Variants in PLA2G15 observed in about 807,000 individuals in gnomAD.
The protein encoded by PLA2G15 is phospholipase A2 group XV, also known as lysosomal phospholipase A and acyltransferase.
A neutral mutation model predicts 40.9 loss-of-function variants in PLA2G15; 20 were observed. The observed-to-expected ratio is 0.49, with a 90% CI of 0.34 to 0.71. The LOEUF (loss-of-function observed/expected upper bound fraction) is 0.71, where lower values mean the gene tolerates loss of function less well. Ranked by LOEUF, PLA2G15 falls within the 30% of genes least tolerant of loss-of-function variation. The probability of loss-of-function intolerance (pLI) is 0.01; values close to 1 mark genes in which losing one functional copy is unlikely to be tolerated. For missense variants in PLA2G15, 471 were observed against 541.9 expected (o/e 0.87, Z 1.30); for synonymous variants, 223 against 228.2 (o/e 0.98, Z 0.21).
At position 68,255,668 on chromosome 16, in the gene PLA2G15, C is replaced by A; in HGVS notation, c.503-98C>A. The A allele has an allele frequency of 2.0e-6, 2 of 985,916 alleles. No individual in the cohort carries two copies. The highest frequency in any genetic ancestry group is 3.2e-6 in the Non-Finnish European group (2 of 623,770). The allele number at this position is 985,916 out of a possible 1,614,324, so 61.1% of individuals were successfully genotyped here. On this transcript the variant is annotated intron_variant, in intron 4 of 5. Coordinates refer to ENST00000219345, the MANE Select transcript of PLA2G15 (RefSeq NM_012320.4). This position sits in a 1 kb window ranked among gnomAD's most constrained non-coding sequence, Gnocchi z 5.9. ...CGCTCTGTTTGAATGTGAGCACCCT[C>A]CCCTCCCCCTCTCGTCTTGTGTCTG... is the stretch of plus-strand genomic sequence containing the variant.
Position 68,259,168 on chromosome 16 carries a change from C to A in PLA2G15, c.750C>A (p.Val250=). ...LASGDNNRIP[V]IGPLKIREQQ... is the part of the protein sequence containing the mutation. ...CAGGAGACAACAACCGGATCCCAGT[C>A]ATCGGGCCCCTGAAGATCCGGGAGC... The change falls in exon 6 of 6, where the codon GTC becomes GTA. Residue 250 remains valine (V), a synonymous_variant. Coordinates refer to ENST00000219345, the MANE Select transcript of PLA2G15 (RefSeq NM_012320.4). The surrounding 1 kb of genome is among the most constrained non-coding windows in gnomAD (Gnocchi z 6.5). The A allele has an allele frequency of 5.0e-6, 8 of 1,613,300 alleles. No individual in the cohort carries two copies. Among genetic ancestry groups the A allele is most frequent in the South Asian group, 2.2e-5 (2 of 90,996 alleles).
intron 2 of PLA2G15, among the ~76,000 whole-genome samples, chr16:68,253,776 A>G (rs900067076): frequency 8.0e-5 from 12 of 150,194 alleles, no homozygotes; most frequent in Admixed American, 6.7e-4. Flanking sequence ...TGCAGCCTCA[A>G]TATCCCAGGT....
intron 5 of PLA2G15, chr16:68,256,479 A>G (rs1304771146): frequency 6.5e-6 from 1 of 152,806 alleles, no homozygotes; most frequent in African/African-American, 2.4e-5. Context: ...TTTGGTCTCC[A>G]CAATGACTAT....
rs1328390219 is a variant in PLA2G15 at position 68,255,629 on chromosome 16, G to C, written c.503-137G>C. 1.4e-6 allele frequency: 1 copy of C among 715,904 alleles called. No homozygotes were observed. The highest frequency in any genetic ancestry group is 2.4e-6 in the Non-Finnish European group (1 of 417,882). The allele number at this position is 715,904 out of a possible 1,614,324, so 44.3% of individuals were successfully genotyped here. A position where few individuals can be genotyped will look rare whatever the true frequency, so the allele number is the denominator to read the frequency against. The stretch of plus-strand genomic sequence containing the variant: ...AAGGCTTCCTCCCTTCATGGAAGGC[G>C]GGGGGACCCAGACCGCTCTGTTTGA... On this transcript the variant is annotated intron_variant, in intron 4 of 5. Transcript: ENST00000219345. The surrounding 1 kb of genome is among the most constrained non-coding windows in gnomAD (Gnocchi z 5.9).
intron 2 of PLA2G15, among the ~76,000 whole-genome samples, chr16:68,253,219 G>A (rs965018382): frequency 6.6e-6 from 1 of 152,070 alleles, no homozygotes; most frequent in Non-Finnish European, 1.5e-5. Context: ...CAGAGGAAGC[G>A]GGACCCAATT....
At chr16:68,252,158 T>G (rs2042360223) in intron 2 of PLA2G15, among the ~76,000 whole-genome samples, 1 of 152,110 alleles carries the variant, frequency 6.6e-6, no homozygotes, top group Admixed American at 6.5e-5. Flanking sequence ...TCCAGAACAG[T>G]TTTCTGCATT....
At chr16:68,246,418 C>CTGAGGCA (rs2042309405) in intron 1 of PLA2G15, among the ~76,000 whole-genome samples, 1 of 152,212 alleles carries the variant, frequency 6.6e-6, no homozygotes, top group Non-Finnish European at 1.5e-5. Flanking sequence ...GCAGAGGCAT[C>CTGAGGCA]TGAGGCATGA....
At chr16:68,257,923 G>T (rs1490583136) in intron 5 of PLA2G15, among the ~76,000 whole-genome samples, 1 of 152,206 alleles carries the variant, frequency 6.6e-6, no homozygotes, top group East Asian at 1.9e-4. Context: ...TGTGGTGCGG[G>T]GAGGTGGAAG....
intron 1 of PLA2G15, among the ~76,000 whole-genome samples, chr16:68,246,240 C>T (rs1172614217): frequency 1.3e-5 from 2 of 151,098 alleles, no homozygotes; most frequent in Non-Finnish European, 3.0e-5. Flanking sequence ...ACCTCCCCTG[C>T]TCACCCCGCT....
At position 68,255,410 on chromosome 16, in the gene PLA2G15, C is replaced by T. The variant is rs8062085; in HGVS notation, c.502+30C>T. The stretch of plus-strand genomic sequence containing the variant: ...GCAGGCACTCTCATTCCCTCCCTGA[C>T]GTCTCGGGAGGTAGGGGTGAGGTGA... On this transcript the variant is annotated intron_variant, in intron 4 of 5. Transcript: ENST00000219345. The surrounding 1 kb of genome is among the most constrained non-coding windows in gnomAD (Gnocchi z 5.9). 3.8e-4 allele frequency: 566 copies of T among 1,491,264 alleles called. 1 individual carries two copies. The East Asian group carries it at 0.011, about 28-fold the overall frequency. 92.4% of individuals were successfully genotyped at this position (1,491,264 alleles called of 1,614,324 possible). A position where few individuals can be genotyped will look rare whatever the true frequency, so the allele number is the denominator to read the frequency against.
intron 2 of PLA2G15, chr16:68,254,351 A>ATTTTTTTTT (rs953704547): frequency 6.5e-5 from 9 of 139,476 alleles, no homozygotes; most frequent in African/African-American, 2.4e-4. Flanking sequence ...TTATTTATTT[A>ATTTTTTTTT]TTTTTTTGAG....
At chr16:68,258,503 A>T (rs1330361861) in intron 5 of PLA2G15, among the ~76,000 whole-genome samples, 1 of 151,898 alleles carries the variant, frequency 6.6e-6, no homozygotes, top group Non-Finnish European at 1.5e-5. Context: ...TGAGGAAAGC[A>T]AAAAAAACAA....
Position 68,245,484 on chromosome 16 carries a change from C to T in PLA2G15, c.58C>T (p.Leu20Phe), listed in dbSNP as rs1397578860. The change falls in exon 1 of 6, where the codon CTC becomes TTC. Residue 20 changes from leucine (L) to phenylalanine (F), a missense_variant. By Grantham distance (22) the Leu-to-Phe change is conservative. Transcript: ENST00000219345. ...VGLLPDGLLF[L>F]LLLLMLLADP... is the part of the protein sequence containing the mutation. ...GCTGCTCCCGGATGGCCTCCTGTTC[C>T]TCTTGCTGCTGCTAATGCTGCTCGC... 2 of 1,606,580 alleles carry T rather than the reference C, an allele frequency of 1.2e-6. No individual in the cohort carries two copies. Among genetic ancestry groups the T allele is most frequent in the Non-Finnish European group, 1.7e-6 (2 of 1,179,560 alleles).
In PLA2G15 at chr16:68,255,822, C is replaced by G; in HGVS notation, c.559C>G (p.Leu187Val). The change falls in exon 5 of 6, where the codon CTG becomes GTG. Residue 187 changes from leucine to valine, a missense_variant. Transcript: ENST00000219345. The surrounding 1 kb of genome is among the most constrained non-coding windows in gnomAD (Gnocchi z 5.9). ...LREMIEEMYQ[L>V]YGGPVVLVAH... ...CGAGATGATCGAGGAGATGTACCAG[C>G]TGTATGGGGGCCCCGTGGTGCTGGT... The G allele has an allele frequency of 6.2e-7, 1 of 1,614,220 alleles. No individual in the cohort carries two copies. Among genetic ancestry groups the G allele is most frequent in the Non-Finnish European group, 8.5e-7 (1 of 1,180,032 alleles).
chr16:68,247,096 A>G (rs1011633652), intron 1 of PLA2G15, among the ~76,000 whole-genome samples: 1 of 152,132 alleles, frequency 6.6e-6, no homozygotes, highest in African/African-American at 2.4e-5. Flanking sequence ...ATCACAGAGC[A>G]GCAGGAGTCC....
chr16:68,256,307 C>T (rs2042401651), intron 5 of PLA2G15: 2 of 257,494 alleles, frequency 7.8e-6, no homozygotes, highest in Non-Finnish European at 1.5e-5. Flanking sequence ...GACTCCGATG[C>T]GATGTGTTGA....
Position 68,259,335 on chromosome 16 carries a change from A to G in PLA2G15, c.917A>G (p.Asp306Gly), listed in dbSNP as rs1432584018. The change falls in exon 6 of 6, where the codon GAT (aspartate) becomes GGT (glycine). Residue 306 changes from aspartate (D) to glycine (G), a missense_variant. Coordinates refer to ENST00000219345, the MANE Select transcript of PLA2G15 (RefSeq NM_012320.4). This position sits in a 1 kb window ranked among gnomAD's most constrained non-coding sequence, Gnocchi z 6.5. ...TTCTTCCAGGACATCGGCTTTGAAG[A>G]TGGCTGGCTCATGCGGCAGGACACA... ...RKFFQDIGFEDGWLMRQDTEG... is the reference protein window; with the variant it reads ...RKFFQDIGFEGGWLMRQDTEG... The G allele has an allele frequency of 6.2e-7, 1 of 1,613,910 alleles. No homozygotes were observed. The highest frequency in any genetic ancestry group is 8.5e-7 in the Non-Finnish European group (1 of 1,180,014).
At chr16:68,251,219 G>A (rs2042352548) in intron 2 of PLA2G15, among the ~76,000 whole-genome samples, 2 of 152,062 alleles carry the variant, frequency 1.3e-5, no homozygotes, top group Non-Finnish European at 2.9e-5. Flanking sequence ...CTAATAAGTG[G>A]TAGAATCAGA....
At chr16:68,246,488 A>C (rs1404189441) in intron 1 of PLA2G15, among the ~76,000 whole-genome samples, 1 of 152,136 alleles carries the variant, frequency 6.6e-6, no homozygotes, top group Non-Finnish European at 1.5e-5. Flanking sequence ...GAGTACTTTA[A>C]ATGGGGACGA....
Sources: allele counts gnomAD v4.1 joint callset (sites outside exome capture counted in the v4.1 genomes callset), GRCh38; gene constraint gnomAD v4.1.1; non-coding constraint Gnocchi (gnomAD v3.1); transcripts MANE v1.5; gene names NCBI Gene and HGNC (gene_info 2026-07-23, HGNC 2026-07-21).